Variants in SNX9 observed in about 807,000 individuals in gnomAD.
SNX9 encodes the protein sorting nexin 9, also known as sorting nexin-9.
SNX9 carries 44 observed loss-of-function variants against 89.4 expected under a neutral mutation model. That is an observed-to-expected ratio of 0.49 (90% CI 0.39 to 0.63). The LOEUF (loss-of-function observed/expected upper bound fraction) is 0.63. Among genes scored for constraint, SNX9 ranks in the 30% least tolerant of loss-of-function variants. The pLI, the probability that SNX9 is intolerant of heterozygous loss-of-function variation, is 0.00. For synonymous variants in SNX9, 236 were observed against 247.8 expected, an observed-to-expected ratio of 0.95 and a Z score of 0.45; for missense variants, 578 against 736.1, an observed-to-expected ratio of 0.79 and a Z score of 2.49.
At chr6:157,937,403 C>T in intron 14 of SNX9, 31 bp from the exon 15 acceptor site, 9 of 1,473,474 alleles carry the variant, frequency 6.1e-6, no homozygotes, top group Non-Finnish European at 8.5e-6. Context: ...AATTTCTCTG[C>T]CAGTAACAAT....
intron 1 of SNX9, among the ~76,000 whole-genome samples, chr6:157,840,429 T>C (rs373589979): frequency 0.036 from 4,021 of 113,006 alleles, 264 homozygotes; most frequent in African/African-American, 0.13. Flanking sequence ...CTTTTCTTTC[T>C]TTTCTTTCCT....
At chr6:157,911,844 A>AT (rs1783352797) in intron 9 of SNX9, among the ~76,000 whole-genome samples, 1 of 152,118 alleles carries the variant, frequency 6.6e-6, no homozygotes, top group African/African-American at 2.4e-5. Context: ...TTTGATTTTG[A>AT]TTTTTTTGGA....
rs1783294450 is a variant in SNX9, at chr6:157,909,557, C to T, written c.706-108C>T. On this transcript the variant is annotated intron_variant, in intron 7 of 17. Transcript: ENST00000392185. ...CCTTTCAAAGAGGAACAAGAATGACCCTCCAAAGGACTTCTCATTCTGAAA... is the reference window on the plus strand; with the variant it reads ...CCTTTCAAAGAGGAACAAGAATGACTCTCCAAAGGACTTCTCATTCTGAAA... The T allele has an allele frequency of 7.1e-6, 9 of 1,268,680 alleles. No homozygotes were observed. The South Asian group carries it at 1.2e-4, about 17-fold the overall frequency. The allele number at this position is 1,268,680 out of a possible 1,614,324, so 78.6% of individuals were successfully genotyped here.
intron 16 of SNX9, among the ~76,000 whole-genome samples, chr6:157,939,824 A>G (rs981151300): frequency 3.9e-5 from 6 of 152,214 alleles, no homozygotes; most frequent in African/African-American, 9.7e-5. Flanking sequence ...TGTAAAATGT[A>G]GAACAGTTTG....
intron 7 of SNX9, among the ~76,000 whole-genome samples, chr6:157,906,617 A>G (rs1783222685): frequency 6.6e-6 from 1 of 152,194 alleles, no homozygotes; most frequent in African/African-American, 2.4e-5. Context: ...TATGGGTAAT[A>G]GTGTTTTTGG....
intron 9 of SNX9, among the ~76,000 whole-genome samples, chr6:157,914,839 A>G (rs572786833): frequency 1.2e-3 from 190 of 152,272 alleles, no homozygotes; most frequent in Admixed American, 1.8e-3. Flanking sequence ...GAAGTTCACT[A>G]TATCAGTTTT....
At chr6:157,867,248 C>T (rs557682071) in intron 1 of SNX9, among the ~76,000 whole-genome samples, 10 of 152,300 alleles carry the variant, frequency 6.6e-5, no homozygotes, top group African/African-American at 1.9e-4. Flanking sequence ...AGCTGCTGCA[C>T]TCAACCAAAA....
At chr6:157,904,503 G>T (rs1423297854) in intron 6 of SNX9, among the ~76,000 whole-genome samples, 8 of 151,830 alleles carry the variant, frequency 5.3e-5, no homozygotes, top group Admixed American at 5.2e-4. Flanking sequence ...ATTTTTCTGT[G>T]GTCCATAACA....
chr6:157,824,697 C>T (rs1273013847), intron 1 of SNX9, among the ~76,000 whole-genome samples: 2 of 152,152 alleles, frequency 1.3e-5, no homozygotes, highest in African/African-American at 4.8e-5. Context: ...GGGGATTCTC[C>T]TCCAGGGAAC....
chr6:157,904,281 A>G (rs1783164538), intron 6 of SNX9, among the ~76,000 whole-genome samples: 1 of 152,118 alleles, frequency 6.6e-6, no homozygotes, highest in Non-Finnish European at 1.5e-5. Context: ...CCAAAAATAT[A>G]AAAAAGTAGC....
At position 157,909,738 on chromosome 6, in the gene SNX9, G is replaced by A; in HGVS notation, c.779G>A (p.Gly260Asp). 1 of 1,614,162 alleles carries A rather than the reference G, an allele frequency of 6.2e-7. No homozygotes were observed. Residue 260 changes from glycine to aspartate, a missense_variant, in exon 8 of 18, where the codon GGC becomes GAC. By Grantham distance (94) the Gly-to-Asp change is moderately conservative. Coordinates refer to ENST00000392185, the MANE Select transcript of SNX9 (RefSeq NM_016224.5). The part of the protein sequence containing the change: ...FDCVVADPRK[G>D]SKMYGLKSYI... ...TGTGTGGTAGCAGATCCCAGGAAAGGCTCCAAAATGTATGGTCTAAAGAGC... is the reference window on the plus strand; with the variant it reads ...TGTGTGGTAGCAGATCCCAGGAAAGACTCCAAAATGTATGGTCTAAAGAGC...
intron 1 of SNX9, among the ~76,000 whole-genome samples, chr6:157,844,846 T>C (rs1226483903): frequency 6.6e-6 from 1 of 152,080 alleles, no homozygotes; most frequent in Non-Finnish European, 1.5e-5. Context: ...TTACCCACCT[T>C]GGTCTCCCAA....
chr6:157,842,574 T>C (rs1781723829), intron 1 of SNX9, among the ~76,000 whole-genome samples: 1 of 152,144 alleles, frequency 6.6e-6, no homozygotes, highest in Admixed American at 6.5e-5. Context: ...GATAATTTGG[T>C]GTTTTTAAAG....
chr6:157,825,334 A>G (rs1318655451), intron 1 of SNX9, among the ~76,000 whole-genome samples: 3 of 152,204 alleles, frequency 2.0e-5, no homozygotes, highest in Admixed American at 2.0e-4. Flanking sequence ...GTGTGTTTTT[A>G]CACTCTGGTC....
chr6:157,831,922 T>G (rs1171120020), intron 1 of SNX9, among the ~76,000 whole-genome samples: 1 of 152,232 alleles, frequency 6.6e-6, no homozygotes, highest in Non-Finnish European at 1.5e-5. Flanking sequence ...AGTGTTAATC[T>G]GATCTTTGCA....
chr6:157,901,372 G>A (rs1032349982), intron 5 of SNX9, among the ~76,000 whole-genome samples: 1 of 152,080 alleles, frequency 6.6e-6, no homozygotes, highest in African/African-American at 2.4e-5. Flanking sequence ...TTTTGACTTT[G>A]TTCCCTGTGC....
chr6:157,923,995 C>G (rs1010002684), intron 10 of SNX9, among the ~76,000 whole-genome samples: 1 of 152,098 alleles, frequency 6.6e-6, no homozygotes, highest in South Asian at 2.1e-4. Flanking sequence ...GTCAAGAGTT[C>G]GAGACCAGCC....
At chr6:157,882,239 G>A (rs747906626) in intron 4 of SNX9, among the ~76,000 whole-genome samples, 2 of 152,176 alleles carry the variant, frequency 1.3e-5, no homozygotes, top group Non-Finnish European at 2.9e-5. Context: ...CAGCACATCT[G>A]TTTGCAATAT....
At chr6:157,901,820 T>C (rs1005447758) in intron 5 of SNX9, 78 bp from the exon 6 acceptor site, 8 of 1,530,534 alleles carry the variant, frequency 5.2e-6, no homozygotes, top group Non-Finnish European at 7.0e-6. Flanking sequence ...GTAGTTACTG[T>C]CAGAAAATTA....
Sources: allele counts gnomAD v4.1 joint callset (sites outside exome capture counted in the v4.1 genomes callset), GRCh38; gene constraint gnomAD v4.1.1; transcripts MANE v1.5; gene names NCBI Gene and HGNC (gene_info 2026-07-23, HGNC 2026-07-21).